MCPH1: variants seen among roughly 807,000 people sequenced by gnomAD.
MCPH1 encodes the protein microcephalin.
A neutral mutation model predicts 84.5 loss-of-function variants in MCPH1; 104 were observed. That is an observed-to-expected ratio of 1.23 (90% CI 1.05 to 1.45). The LOEUF (loss-of-function observed/expected upper bound fraction) is 1.45, where lower values mean the gene tolerates loss of function less well. MCPH1 is among the 40% of genes most tolerant of loss of function. The pLI, the probability that MCPH1 is intolerant of heterozygous loss-of-function variation, is 0.00. For missense variants in MCPH1, 1,498 were observed against 1,005.7 expected (o/e 1.49, Z -6.62); for synonymous variants, 514 against 366.8 (o/e 1.40, Z -4.58).
chr8:6,607,093 G>A (rs1283668920), intron 12 of MCPH1, among the ~76,000 whole-genome samples: 1 of 152,204 alleles, frequency 6.6e-6, no homozygotes, highest in East Asian at 1.9e-4. Context: ...ATAGCACCTT[G>A]GCATTTCAGA....
chr8:6,587,754 A>G (rs1218154629), intron 12 of MCPH1, among the ~76,000 whole-genome samples: 1 of 152,246 alleles, frequency 6.6e-6, no homozygotes, highest in Non-Finnish European at 1.5e-5. Flanking sequence ...AGAAAGCAAG[A>G]AAGTCCATGT....
At position 6,644,239 on chromosome 8, in the gene MCPH1, C is replaced by T. The variant is rs990989101; in HGVS notation, c.*1190C>T. On this transcript the variant is annotated 3_prime_UTR_variant, in exon 14 of 14. Transcript: ENST00000344683. ...CAAGATTGCTCCACTGCACTCCAGC[C>T]TGGGCAACAGAGTAACTCTCCTTCT... 3.3e-5 allele frequency: 5 copies of T among 152,118 alleles called. No individual in the cohort carries two copies. Among genetic ancestry groups the T allele is most frequent in the Admixed American group, 6.5e-5 (1 of 15,272 alleles). The allele number at this position is 152,118 out of a possible 1,614,324, so 9.4% of individuals were successfully genotyped here.
intron 12 of MCPH1, among the ~76,000 whole-genome samples, chr8:6,555,050 A>C (rs1824347976): frequency 6.6e-6 from 1 of 152,126 alleles, no homozygotes. Context: ...ACCACACATA[A>C]AACAGTCATT....
At chr8:6,604,185 TCCAGGTTTGCACTGGAAGGAG>T (rs11268847) in intron 12 of MCPH1, among the ~76,000 whole-genome samples, 65,305 of 151,694 alleles carry the variant, frequency 0.43, 15,482 homozygotes, top group South Asian at 0.62. Flanking sequence ...CAAGTGGCCT[TCCAGGTTTGCACTGGAAGGAG>T]CCACAGCCCC....
chr8:6,437,874 T>C (rs1381215038), intron 5 of MCPH1, among the ~76,000 whole-genome samples: 2 of 152,202 alleles, frequency 1.3e-5, no homozygotes, highest in Non-Finnish European at 2.9e-5. Flanking sequence ...CCTGCACCAC[T>C]GCAGCCACTC....
intron 12 of MCPH1, chr8:6,562,578 T>TTTTTTTTTTTTTTTTTTTTTTTTTTTAA: frequency 1.1e-6 from 1 of 880,188 alleles, no homozygotes; most frequent in East Asian, 3.0e-5. Flanking sequence ...TTTTGGTTGT[T>TTTTTTTTTTTTTTTTTTTTTTTTTTTAA]AAAACCTGAG....
At chr8:6,507,283 T>G (rs1167541100) in intron 12 of MCPH1, among the ~76,000 whole-genome samples, 1 of 152,236 alleles carries the variant, frequency 6.6e-6, no homozygotes, top group Non-Finnish European at 1.5e-5. Flanking sequence ...TAAAACATGT[T>G]GACCATAGCT....
chr8:6,630,050 T>C (rs955055838), intron 13 of MCPH1, among the ~76,000 whole-genome samples: 6 of 152,238 alleles, frequency 3.9e-5, no homozygotes, highest in Non-Finnish European at 5.9e-5. Context: ...TTTTATTTTT[T>C]AGTCAATTTT....
chr8:6,644,568 C>T lies in MCPH1; in HGVS notation c.*1519C>T, dbSNP rs1424836432. On this transcript the variant is annotated 3_prime_UTR_variant, in exon 14 of 14. Transcript: ENST00000344683. ...GTAACATTCAAGCTGAGCACCAAAT[C>T]AAGAACGCAATCCCATTTCCAATAG... is the stretch of plus-strand genomic sequence containing the variant. The T allele has an allele frequency of 6.6e-6, 1 of 152,144 alleles. No individual in the cohort carries two copies. Among genetic ancestry groups the T allele is most frequent in the African/African-American group, 2.4e-5 (1 of 41,444 alleles). The allele number at this position is 152,144 out of a possible 1,614,324, so 9.4% of individuals were successfully genotyped here.
Position 6,644,876 on chromosome 8 carries a change from AC to A in MCPH1, c.*1829del, listed in dbSNP as rs1440950063. The A allele has an allele frequency of 6.6e-6, 1 of 152,214 alleles. No homozygotes were observed. The highest frequency in any genetic ancestry group is 1.5e-5 in the Non-Finnish European group (1 of 68,044). The allele number at this position is 152,214 out of a possible 1,614,324, so 9.4% of individuals were successfully genotyped here. A position where few individuals can be genotyped will look rare whatever the true frequency, so the allele number is the denominator to read the frequency against. On this transcript the variant is annotated 3_prime_UTR_variant, in exon 14 of 14. Coordinates refer to ENST00000344683, the MANE Select transcript of MCPH1 (RefSeq NM_024596.5). ...TATAGGAATTGGCATTCTATAGAAA[AC>A]CACAGAAACTGGAAATAATGAAGGG...
At chr8:6,616,477 G>A (rs1830801534) in intron 12 of MCPH1, 1 of 152,268 alleles carries the variant, frequency 6.6e-6, no homozygotes, top group African/African-American at 2.4e-5. Flanking sequence ...TTCGGAGAGT[G>A]TGAGCTAAAA....
chr8:6,473,622 C>T (rs1389040043), intron 9 of MCPH1, among the ~76,000 whole-genome samples: 6 of 152,142 alleles, frequency 3.9e-5, no homozygotes, highest in Middle Eastern at 3.2e-3. Context: ...TGAGCCACCG[C>T]GCCCAGCCTG....
chr8:6,586,449 G>C (rs188669273), intron 12 of MCPH1, among the ~76,000 whole-genome samples: 1 of 152,216 alleles, frequency 6.6e-6, no homozygotes, highest in African/African-American at 2.4e-5. Flanking sequence ...ACTAGCCTCT[G>C]TGGTCAAAGG....
intron 3 of MCPH1, among the ~76,000 whole-genome samples, chr8:6,427,627 A>ACCT (rs1801246273): frequency 6.6e-6 from 1 of 151,490 alleles, no homozygotes; most frequent in East Asian, 1.9e-4. Context: ...CAGTCCTCCT[A>ACCT]CCTCCGCCTC....
At chr8:6,541,540 G>A (rs779581526) in intron 12 of MCPH1, among the ~76,000 whole-genome samples, 4 of 152,194 alleles carry the variant, frequency 2.6e-5, no homozygotes, top group Admixed American at 6.5e-5. Context: ...GCAGCAGAGC[G>A]AATGCGGAGA....
At chr8:6,575,663 C>T (rs922535816) in intron 12 of MCPH1, among the ~76,000 whole-genome samples, 3 of 152,154 alleles carry the variant, frequency 2.0e-5, no homozygotes, top group African/African-American at 7.2e-5. Context: ...TGACCGTCTT[C>T]GGAAGTAGGG....
At position 6,601,296 on chromosome 8, in the gene MCPH1, C is replaced by T. The variant is rs573755414; in HGVS notation, c.2215-20158C>T. Reference sequence around the variant, plus strand: ...CACCCTGTGCTTCCCAGTTTCTAGTCATTTCCCTTCTCTGAAGGTTCTAGT... The same window carrying T: ...CACCCTGTGCTTCCCAGTTTCTAGTTATTTCCCTTCTCTGAAGGTTCTAGT... On this transcript the variant is annotated intron_variant, in intron 12 of 13. Transcript: ENST00000344683. Among the ~76,000 whole-genome samples the T allele has an allele frequency of 7.2e-5, 11 of 152,190 alleles. 1 individual carries two copies. The highest frequency in any genetic ancestry group is 1.5e-4 in the Non-Finnish European group (10 of 68,040).
intron 12 of MCPH1, among the ~76,000 whole-genome samples, chr8:6,523,663 C>T (rs374374404): frequency 1.3e-5 from 2 of 152,240 alleles, no homozygotes; most frequent in South Asian, 2.1e-4. Context: ...GATCTCAGCT[C>T]GCTGCAACCT....
chr8:6,453,988 A>C (rs144491962), intron 8 of MCPH1, among the ~76,000 whole-genome samples: 2 of 152,316 alleles, frequency 1.3e-5, no homozygotes, highest in Non-Finnish European at 2.9e-5. Flanking sequence ...GGAAAGTATT[A>C]ACATTTTTAT....
Sources: allele counts gnomAD v4.1 joint callset (sites outside exome capture counted in the v4.1 genomes callset), GRCh38; gene constraint gnomAD v4.1.1; transcripts MANE v1.5; gene names NCBI Gene and HGNC (gene_info 2026-07-23, HGNC 2026-07-21).